The following SLC5A6 variants were observed in gnomAD, a reference collection of about 807,000 sequenced individuals.
The protein encoded by SLC5A6 is sodium-dependent multivitamin transporter.
SLC5A6 carries 31 observed loss-of-function variants against 67.9 expected under a neutral mutation model. The observed-to-expected ratio is 0.46, with a 90% CI of 0.34 to 0.62. The LOEUF (loss-of-function observed/expected upper bound fraction) is 0.62, where lower values mean the gene tolerates loss of function less well. Among genes scored for constraint, SLC5A6 ranks in the 20% least tolerant of loss-of-function variants. The pLI is 0.01. For synonymous variants in SLC5A6, 343 were observed against 331.0 expected (o/e 1.04, Z -0.39); for missense variants, 673 against 812.8 (o/e 0.83, Z 2.09).
chr2:27,201,316 G>T, intron 15 of SLC5A6, 34 bp downstream of exon 15: 2 of 1,408,456 alleles, frequency 1.4e-6, no homozygotes, highest in Non-Finnish European at 2.0e-6. Context: ...TTAACCCCTC[G>T]GTGCTCATCT....
Position 27,212,251 on chromosome 2 carries a change from C to G in SLC5A6, c.-439G>C, listed in dbSNP as rs746726954. 2 of 1,560,748 alleles carry G rather than the reference C, an allele frequency of 1.3e-6. No individual in the cohort carries two copies. Among genetic ancestry groups the G allele is most frequent in the South Asian group, 1.2e-5 (1 of 84,846 alleles). On this transcript the variant is annotated 5_prime_UTR_variant, in exon 1 of 17. Transcript: ENST00000310574. ...ACGAGCAGGAAAAGCCCCCAAGCAG[C>G]CCCAGGGCGACTGGACCGGGCCGCT...
chr2:27,200,622 T>C (rs1572379862), intron 16 of SLC5A6, 43 bp from the exon 17 acceptor site: 2 of 1,579,232 alleles, frequency 1.3e-6, no homozygotes, highest in East Asian at 4.5e-5. Context: ...TGAAGACGGA[T>C]GACGGGTGCT....
At chr2:27,212,637 G>GGCT (rs1674631525), upstream of SLC5A6, 2 of 1,406,218 alleles carry the variant, frequency 1.4e-6, no homozygotes, top group East Asian at 5.5e-5. Context: ...ACGTCGTGCA[G>GGCT]GCCTTCGGCG....
At chr2:27,205,591 G>A in intron 6 of SLC5A6, 87 bp from the exon 7 acceptor site, 2 of 1,459,594 alleles carry the variant, frequency 1.4e-6, no homozygotes, top group Non-Finnish European at 1.9e-6. Context: ...GCTCCATTTT[G>A]TTTTGTTTTG....
At chr2:27,212,765 A>G, upstream of SLC5A6, 1 of 799,174 alleles carries the variant, frequency 1.3e-6, no homozygotes, top group Non-Finnish European at 1.8e-6. Flanking sequence ...CTCTCTACGC[A>G]CGAACGCCAT....
At chr2:27,201,220 T>G (rs1673610904) in intron 15 of SLC5A6, 107 bp from the exon 16 acceptor site, 1 of 673,958 alleles carries the variant, frequency 1.5e-6, no homozygotes, top group Non-Finnish European at 2.4e-6. Context: ...ACCTCCTACA[T>G]CCCAGCAGAA....
In SLC5A6 at chr2:27,207,053, T is replaced by G. The variant is rs78418752; in HGVS notation, c.394-111A>C. ...GGGAATATCCAACCCATACCCACTC[T>G]GAGTCCTACTCGGCATAGCACCCTC... On this transcript the variant is annotated intron_variant, in intron 3 of 16. Transcript: ENST00000310574. The surrounding 1 kb of genome is among the most constrained non-coding windows in gnomAD (Gnocchi z 5.5). The G allele has an allele frequency of 2.1e-3, 2,226 of 1,068,898 alleles. 40 individuals carry two copies. The African/African-American group carries it at 0.03, about 15-fold the overall frequency. The allele number at this position is 1,068,898 out of a possible 1,614,324, so 66.2% of individuals were successfully genotyped here. A position where few individuals can be genotyped will look rare whatever the true frequency, so the allele number is the denominator to read the frequency against.
At position 27,207,487 on chromosome 2, in the gene SLC5A6, G is replaced by C; in HGVS notation, c.164C>G (p.Thr55Ser). 2 of 1,614,198 alleles carry C rather than the reference G, an allele frequency of 1.2e-6. No homozygotes were observed. Among genetic ancestry groups the C allele is most frequent in the Non-Finnish European group, 1.7e-6 (2 of 1,180,042 alleles). ...YHACRGWGRHTVGELLMADRK... is the reference protein window; with the variant it reads ...YHACRGWGRHSVGELLMADRK... ...GTCCGCCATCAGCAGCTCACCAACAGTATGCCGGCCCCAGCCACGACAAGC... is the reference window on the plus strand; with the variant it reads ...GTCCGCCATCAGCAGCTCACCAACACTATGCCGGCCCCAGCCACGACAAGC... The change falls in exon 3 of 17, where the codon ACT becomes AGT. Residue 55 changes from threonine to serine, a missense_variant. By Grantham distance (58) the Thr-to-Ser change is moderately conservative (BLOSUM62 1). Transcript: ENST00000310574. The surrounding 1 kb of genome is among the most constrained non-coding windows in gnomAD (Gnocchi z 5.5).
Position 27,204,819 on chromosome 2 carries a change from T to C in SLC5A6, c.847A>G (p.Ser283Gly). 6.2e-7 allele frequency: 1 copy of C among 1,614,122 alleles called. No homozygotes were observed. Among genetic ancestry groups the C allele is most frequent in the Non-Finnish European group, 8.5e-7 (1 of 1,180,004 alleles). The change falls in exon 8 of 17, where the codon AGT (serine) becomes GGT (glycine). Residue 283 changes from serine (S) to glycine (G), a missense_variant. By Grantham distance (56) the Ser-to-Gly change is moderately conservative. Transcript: ENST00000310574. ...ACAGCAGCCTTCTCCGTGCGGGAACTGAGGTACCGCTGCACCTGAGCCTGG... is the reference window on the plus strand; with the variant it reads ...ACAGCAGCCTTCTCCGTGCGGGAACCGAGGTACCGCTGCACCTGAGCCTGG... ...VNQAQVQRYL[S>G]SRTEKAAVLS...
upstream of SLC5A6, chr2:27,212,288 C>T (rs202067119): frequency 1.6e-5 from 25 of 1,552,968 alleles, no homozygotes; most frequent in South Asian, 3.0e-4. Context: ...AGGCCACGCC[C>T]GGGGAAGAGG....
In SLC5A6 at chr2:27,203,881, G is replaced by A. The variant is rs751615189; in HGVS notation, c.1006-14C>T. 63 of 1,606,134 alleles carry A rather than the reference G, an allele frequency of 3.9e-5. No individual in the cohort carries two copies. Among genetic ancestry groups the A allele is most frequent in the East Asian group, 4.5e-5 (2 of 44,814 alleles). On this transcript the variant is annotated splice_polypyrimidine_tract_variant and intron_variant, in intron 9 of 16. Coordinates refer to ENST00000310574, the MANE Select transcript of SLC5A6 (RefSeq NM_021095.4). Reference sequence around the variant, plus strand: ...GTACAGGACGAACTGCAAGCAGAGCGGAGGTACACAGCAGTCCTCAGAGAG... The same window carrying A: ...GTACAGGACGAACTGCAAGCAGAGCAGAGGTACACAGCAGTCCTCAGAGAG...
chr2:27,212,635 C>CCCA (rs1674630744), upstream of SLC5A6: 2 of 1,407,958 alleles, frequency 1.4e-6, no homozygotes, highest in East Asian at 5.5e-5. Context: ...TCACGTCGTG[C>CCCA]AGGCCTTCGG....
At position 27,207,543 on chromosome 2, in the gene SLC5A6, C is replaced by A. The variant is rs1450298414; in HGVS notation, c.108G>T (p.Leu36=). The A allele has an allele frequency of 3.7e-6, 6 of 1,614,248 alleles. No homozygotes were observed. Among genetic ancestry groups the A allele is most frequent in the Non-Finnish European group, 5.1e-6 (6 of 1,180,048 alleles). The stretch of plus-strand genomic sequence containing the variant: ...AGAGCCCAATGGCAAGAGAGAGAAC[C>A]AGCAGCAGGACGAACACCACATAGT... ...IMDYVVFVLL[L]VLSLAIGLYH... is the part of the protein sequence containing the mutation. Residue 36 remains leucine, a synonymous_variant, in exon 3 of 17, where the codon CTG becomes CTT. Transcript: ENST00000310574. The surrounding 1 kb of genome is among the most constrained non-coding windows in gnomAD (Gnocchi z 5.5).
upstream of SLC5A6, chr2:27,212,379 A>G (rs1294291643): frequency 6.5e-7 from 1 of 1,550,092 alleles, no homozygotes; most frequent in Non-Finnish European, 8.7e-7. Context: ...ATGGCGCCTC[A>G]CGACCCGGGT....
intron 6 of SLC5A6, among the ~76,000 whole-genome samples, 174 bp from the exon 7 acceptor site, chr2:27,205,678 C>A (rs773399761): frequency 6.6e-6 from 1 of 152,128 alleles, no homozygotes; most frequent in Non-Finnish European, 1.5e-5. Flanking sequence ...AGAGGGATGA[C>A]GAAGGGGCTT....
In SLC5A6 at chr2:27,200,389, G is replaced by GC. The variant is rs1409388307; in HGVS notation, c.*46dup. 1.9e-6 allele frequency: 3 copies of GC among 1,571,110 alleles called. No homozygotes were observed. In the East Asian group the frequency reaches 6.7e-5, roughly 35 times the overall value. The stretch of plus-strand genomic sequence containing the variant: ...TCCCTGTACTACAGGGTGGCCTCTG[G>GC]CTATGGCCTGGCACAGTGAGGACAG... On this transcript the variant is annotated 3_prime_UTR_variant, in exon 17 of 17. Transcript: ENST00000310574.
Position 27,203,235 on chromosome 2 carries a change from A to C in SLC5A6, c.1205T>G (p.Leu402Arg), listed in dbSNP as rs761463693. The change falls in exon 11 of 17, where the codon CTT (leucine) becomes CGT (arginine). Residue 402 changes from leucine to arginine, a missense_variant and splice_region_variant. Transcript: ENST00000310574. ...GAGATGAGGAAGCATAACCCCACCA[A>C]GGCCTCTGGAAAGCATGATGGCCCG... ...EARAIMLSRGLAFGYGLLCLG... is the reference protein window; with the variant it reads ...EARAIMLSRGRAFGYGLLCLG... The C allele has an allele frequency of 3.1e-6, 5 of 1,614,190 alleles. No homozygotes were observed. Among genetic ancestry groups the C allele is most frequent in the Non-Finnish European group, 4.2e-6 (5 of 1,180,022 alleles).
At position 27,203,269 on chromosome 2, in the gene SLC5A6, A is replaced by G; in HGVS notation, c.1171T>C (p.Ser391Pro). Residue 391 changes from serine to proline, a missense_variant, in exon 11 of 17, where the codon TCT (serine) becomes CCT (proline). Transcript: ENST00000310574. ...GAAAGCATGATGGCCCGGGCTTCAG[A>G]GAACTCAGGGAACCAAGGTCGAATC... ...DLIRPWFPEF[S>P]EARAIMLSRG... 1 of 1,614,242 alleles carries G rather than the reference A, an allele frequency of 6.2e-7. No homozygotes were observed. The highest frequency in any genetic ancestry group is 2.2e-5 in the East Asian group (1 of 44,886).
chr2:27,203,374 G>T (rs1673795883), intron 10 of SLC5A6, 29 bp from the exon 11 acceptor site: 1 of 1,608,140 alleles, frequency 6.2e-7, no homozygotes, highest in South Asian at 1.1e-5. Flanking sequence ...ATGAGGAGTT[G>T]AGCGAGGCAA....
Sources: allele counts gnomAD v4.1 joint callset (sites outside exome capture counted in the v4.1 genomes callset), GRCh38; gene constraint gnomAD v4.1.1; non-coding constraint Gnocchi (gnomAD v3.1); transcripts MANE v1.5; gene names NCBI Gene and HGNC (gene_info 2026-07-23, HGNC 2026-07-21).